Variants in RNPEPL1 observed in about 807,000 individuals in gnomAD.
RNPEPL1 encodes aminopeptidase RNPEPL1.
Under a neutral mutation model 69.0 loss-of-function variants are expected in RNPEPL1, and 46 were observed. That is an observed-to-expected ratio of 0.67 (90% CI 0.53 to 0.85). The LOEUF (loss-of-function observed/expected upper bound fraction) is 0.85, where lower values mean the gene tolerates loss of function less well. Ranked by LOEUF, RNPEPL1 falls within the 40% of genes least tolerant of loss-of-function variation. RNPEPL1 has a pLI of 0.00. For missense variants in RNPEPL1, 869 were observed against 992.5 expected (o/e 0.88, Z 1.67); for synonymous variants, 525 against 454.1 (o/e 1.16, Z -1.98).
chr2:240,572,364 G>C lies in RNPEPL1; in HGVS notation c.529-59G>C, dbSNP rs1575436105. 1.6e-5 allele frequency: 25 copies of C among 1,518,170 alleles called. No homozygotes were observed. The East Asian group carries it at 3.9e-4, about 24-fold the overall frequency. 94.0% of individuals were successfully genotyped at this position (1,518,170 alleles called of 1,614,324 possible). A position where few individuals can be genotyped will look rare whatever the true frequency, so the allele number is the denominator to read the frequency against. ...GCCTTCTCTCAGGCTGCTGCCCAGT[G>C]GCTAGGGCCCAGCACCCTAGCTGGG... On this transcript the variant is annotated intron_variant, in intron 1 of 10. Coordinates refer to ENST00000270357, the MANE Select transcript of RNPEPL1 (RefSeq NM_018226.6).
intron 10 of RNPEPL1, among the ~76,000 whole-genome samples, 168 bp downstream of exon 10, chr2:240,577,158 G>A (rs2093040238): frequency 6.6e-6 from 1 of 152,222 alleles, no homozygotes; most frequent in Non-Finnish European, 1.5e-5. Context: ...ACCGGGTGCA[G>A]GTACCAGAGG....
rs776877208 is a variant in RNPEPL1, at chr2:240,577,711, G to A, written c.1997G>A (p.Arg666His). 5.6e-6 allele frequency: 9 copies of A among 1,612,618 alleles called. No homozygotes were observed. The highest frequency in any genetic ancestry group is 2.2e-5 in the South Asian group (2 of 91,026). The change falls in exon 11 of 11, where the codon CGC becomes CAC. Residue 666 changes from arginine to histidine, a missense_variant. Physicochemically the swap from Arg to His is conservative, Grantham distance 29. This residue lies in a region of RNPEPL1 where 610 missense variants were observed against 790.9 expected (regional missense o/e 0.77). Coordinates refer to ENST00000270357, the MANE Select transcript of RNPEPL1 (RefSeq NM_018226.6). Reference sequence around the variant, plus strand: ...CAGGGCCGGCTGCACCCCAACCTGCGCAGAGCCATCCAGCAGATCCTGTCC... The same window carrying A: ...CAGGGCCGGCTGCACCCCAACCTGCACAGAGCCATCCAGCAGATCCTGTCC... ...QTQGRLHPNL[R>H]RAIQQILSQG...
chr2:240,573,817 C>G lies in RNPEPL1; in HGVS notation c.864C>G (p.Thr288=). Residue 288 remains threonine (T), a synonymous_variant, in exon 4 of 11, where the codon ACC becomes ACG. Coordinates refer to ENST00000270357, the MANE Select transcript of RNPEPL1 (RefSeq NM_018226.6). The part of the protein sequence containing the change: ...WAEPCLLPTA[T]SKLSGAVEQW... ...AGCCATGCCTCCTGCCCACGGCCAC[C>G]AGCAAGCTGTCGGGCGCAGTGGAGC... 6.4e-7 allele frequency: 1 copy of G among 1,551,066 alleles called. No individual in the cohort carries two copies. Among genetic ancestry groups the G allele is most frequent in the African/African-American group, 1.4e-5 (1 of 73,224 alleles).
At chr2:240,576,433 C>T (rs2093037876) in intron 8 of RNPEPL1, 102 bp from the exon 9 acceptor site, 2 of 1,154,534 alleles carry the variant, frequency 1.7e-6, no homozygotes, top group African/African-American at 3.1e-5. Context: ...GAACAGGCCA[C>T]CTGCCTGGAA....
intron 7 of RNPEPL1, 33 bp from the exon 8 acceptor site, chr2:240,575,469 C>T (rs1559417386): frequency 3.2e-6 from 5 of 1,582,732 alleles, no homozygotes; most frequent in Non-Finnish European, 4.3e-6. Context: ...CCCACCCTTC[C>T]AGGCCTGCTG....
In RNPEPL1 at chr2:240,576,948, C is replaced by T. The variant is rs2093039556; in HGVS notation, c.1842C>T (p.Tyr614=). The change falls in exon 10 of 11, where the codon TAC becomes TAT. Residue 614 remains tyrosine, a synonymous_variant. Transcript: ENST00000270357. ...TGCAGATTGTGGTCCGCAACGACTACTATCCTGACCTCCACAGGGTGCGGC... is the reference window on the plus strand; with the variant it reads ...TGCAGATTGTGGTCCGCAACGACTATTATCCTGACCTCCACAGGGTGCGGC... The part of the protein sequence containing the change: ...RWLQIVVRND[Y]YPDLHRVRRF... 18 of 1,613,514 alleles carry T rather than the reference C, an allele frequency of 1.1e-5. No homozygotes were observed. The highest frequency in any genetic ancestry group is 1.5e-5 in the Non-Finnish European group (18 of 1,179,982).
chr2:240,569,190 G>C (rs1257088014), intron 1 of RNPEPL1, 76 bp downstream of exon 1: 2 of 1,349,644 alleles, frequency 1.5e-6, no homozygotes, highest in Non-Finnish European at 1.9e-6. Context: ...GCACGGCCAG[G>C]CTGAGGGACG....
chr2:240,570,087 T>C (rs771734708), intron 1 of RNPEPL1, among the ~76,000 whole-genome samples: 2 of 152,224 alleles, frequency 1.3e-5, no homozygotes, highest in African/African-American at 4.8e-5. Context: ...GCCCCTGCTG[T>C]GGTATTCCAG....
rs764055762 is a variant in RNPEPL1, at chr2:240,577,752, A to G, written c.2038A>G (p.Ser680Gly). 2 of 1,612,324 alleles carry G rather than the reference A, an allele frequency of 1.2e-6. No individual in the cohort carries two copies. Among genetic ancestry groups the G allele is most frequent in the Non-Finnish European group, 1.7e-6 (2 of 1,179,628 alleles). ...GATCCTGTCCCAGGGCCTGGGCTCC[A>G]GCACAGAGCCCGCCTCAGAGCCCAG... Reference protein sequence around the residue: ...QQILSQGLGSSTEPASEPSTE... With the variant: ...QQILSQGLGSGTEPASEPSTE... Residue 680 changes from serine to glycine, a missense_variant, in exon 11 of 11, where the codon AGC becomes GGC. Around this residue, in one of 2 missense-constraint regions of RNPEPL1, gnomAD observed 610 missense variants for 790.9 expected, o/e 0.77. Transcript: ENST00000270357.
chr2:240,576,987 C>G lies in RNPEPL1; in HGVS notation c.1881C>G (p.Ser627Arg). ...ACAGGGTGCGGCGCTTCCTGGAGAG[C>G]CAGGTGCGGTCACCTGCCCAGGGGG... ...DLHRVRRFLESQMSRMYTIPL... is the reference protein window; with the variant it reads ...DLHRVRRFLERQMSRMYTIPL... The change falls in exon 10 of 11, where the codon AGC becomes AGG. Residue 627 changes from serine (S) to arginine (R), a missense_variant. Physicochemically the swap from Ser to Arg is moderately radical, Grantham distance 110 (BLOSUM62 -1). Coordinates refer to ENST00000270357, the MANE Select transcript of RNPEPL1 (RefSeq NM_018226.6). 1 of 1,612,914 alleles carries G rather than the reference C, an allele frequency of 6.2e-7. No individual in the cohort carries two copies. The highest frequency in any genetic ancestry group is 8.5e-7 in the Non-Finnish European group (1 of 1,179,904).
Position 240,568,598 on chromosome 2 carries a change from GTGC to G in RNPEPL1, c.19_21del (p.Cys7del). ...TAGTGCCGGCGGCCATGGCCGCGCAGTGCTGCTGCCGCCAGGCGCCCGGCGCCG... is the reference window on the plus strand; with the variant it reads ...TAGTGCCGGCGGCCATGGCCGCGCAGTGCTGCCGCCAGGCGCCCGGCGCCG... On this transcript the variant is annotated inframe_deletion, in exon 1 of 11. Coordinates refer to ENST00000270357, the MANE Select transcript of RNPEPL1 (RefSeq NM_018226.6). The surrounding 1 kb of genome is among the most constrained non-coding windows in gnomAD (Gnocchi z 6.2). 1.0e-6 allele frequency: 1 copy of G among 988,254 alleles called. No individual in the cohort carries two copies. The allele number at this position is 988,254 out of a possible 1,614,324, so 61.2% of individuals were successfully genotyped here.
At chr2:240,569,201 C>G (rs2093014079) in intron 1 of RNPEPL1, 87 bp downstream of exon 1, 1 of 1,322,912 alleles carries the variant, frequency 7.6e-7, no homozygotes, top group Non-Finnish European at 9.7e-7. Flanking sequence ...CTGAGGGACG[C>G]GAATCTGCGC....
chr2:240,579,539 A>AGGAT lies in RNPEPL1; in HGVS notation c.*1649_*1652dup, dbSNP rs1329142374. 5 of 152,288 alleles carry AGGAT rather than the reference A, an allele frequency of 3.3e-5. No homozygotes were observed. Among genetic ancestry groups the AGGAT allele is most frequent in the Non-Finnish European group, 7.3e-5 (5 of 68,072 alleles). The allele number at this position is 152,288 out of a possible 1,614,324, so 9.4% of individuals were successfully genotyped here. ...GCCACTGCCCCTCACACCCAGGGAT[A>AGGAT]GGATGACTGCAGTAACCCCTGTGAA... is the stretch of plus-strand genomic sequence containing the variant. On this transcript the variant is annotated 3_prime_UTR_variant, in exon 11 of 11. Coordinates refer to ENST00000270357, the MANE Select transcript of RNPEPL1 (RefSeq NM_018226.6).
At chr2:240,576,285 G>T in intron 8 of RNPEPL1, 1 of 574,752 alleles carries the variant, frequency 1.7e-6, no homozygotes, top group Admixed American at 3.1e-5. Context: ...CAGGAGAGGC[G>T]TGGAGTGGGT....
chr2:240,570,871 G>C (rs567642817), intron 1 of RNPEPL1, among the ~76,000 whole-genome samples: 1 of 152,312 alleles, frequency 6.6e-6, no homozygotes, highest in Non-Finnish European at 1.5e-5. Flanking sequence ...GGCAAGTGGG[G>C]AGCTGTGGGC....
intron 3 of RNPEPL1, 21 bp downstream of exon 3, chr2:240,573,282 C>T (rs2093027627): frequency 1.3e-6 from 2 of 1,548,922 alleles, no homozygotes; most frequent in Non-Finnish European, 1.7e-6. Flanking sequence ...CTGCTGGGGC[C>T]TTCTGGGGCT....
chr2:240,574,198 G>C lies in RNPEPL1; in HGVS notation c.1024G>C (p.Glu342Gln), dbSNP rs773391679. 1 of 1,613,500 alleles carries C rather than the reference G, an allele frequency of 6.2e-7. No homozygotes were observed. ...CACCTTCATCATCTCCTCCATCCTG[G>C]AGAGCGATGAGTTCCTGGTCATCGA... ...CLTFIISSIL[E>Q]SDEFLVIDVI... Residue 342 changes from glutamate (E) to glutamine (Q), a missense_variant, in exon 5 of 11, where the codon GAG becomes CAG. Coordinates refer to ENST00000270357, the MANE Select transcript of RNPEPL1 (RefSeq NM_018226.6).
At chr2:240,573,615 G>T (rs2093028959) in intron 3 of RNPEPL1, among the ~76,000 whole-genome samples, 160 bp from the exon 4 acceptor site, 3 of 152,250 alleles carry the variant, frequency 2.0e-5, no homozygotes, top group South Asian at 4.1e-4. Flanking sequence ...GGCCAGGGTG[G>T]CTGCCCATCC....
intron 1 of RNPEPL1, 119 bp from the exon 2 acceptor site, chr2:240,572,304 G>A: frequency 1.6e-6 from 2 of 1,224,482 alleles, no homozygotes; most frequent in South Asian, 2.9e-5. Flanking sequence ...AACCCAGCAA[G>A]ATAATCTGGC....
Sources: gnomAD v4.1 joint callset for allele counts (sites outside exome capture counted in the v4.1 genomes callset) on GRCh38, gnomAD v4.1.1 for gene constraint, gnomAD v4.1.1 regional missense constraint, Gnocchi (gnomAD v3.1) non-coding constraint, MANE v1.5 for transcripts, NCBI Gene and HGNC (gene_info 2026-07-23, HGNC 2026-07-21) for gene names.